The following API5 variants were observed in gnomAD, a reference collection of about 807,000 sequenced individuals.
API5 encodes FIF.
API5 carries 6 observed loss-of-function variants against 71.9 expected under a neutral mutation model. The observed-to-expected ratio is 0.08, with a 90% CI of 0.05 to 0.16. The LOEUF (loss-of-function observed/expected upper bound fraction) is 0.16. Ranked by LOEUF, API5 falls within the 10% of genes least tolerant of loss-of-function variation. The probability of loss-of-function intolerance (pLI) is 1.00; values close to 1 mark genes in which losing one functional copy is unlikely to be tolerated. For synonymous variants in API5, 189 were observed against 221.3 expected, an observed-to-expected ratio of 0.85 and a Z score of 1.30; for missense variants, 332 against 612.8, an observed-to-expected ratio of 0.54 and a Z score of 4.84.
chr11:43,329,895 A>G (rs5743247), intron 9 of API5, 70 bp from the exon 10 acceptor site: 2 of 1,231,050 alleles, frequency 1.6e-6, no homozygotes, highest in African/African-American at 3.0e-5. Context: ...ATTTTGCTGT[A>G]GTATAAGATT....
intron 1 of API5, among the ~76,000 whole-genome samples, chr11:43,315,313 T>G (rs1009717433): frequency 1.3e-5 from 2 of 152,234 alleles, no homozygotes; most frequent in African/African-American, 4.8e-5. Flanking sequence ...TTACTAATAA[T>G]GCTTCAGACT....
At chr11:43,313,803 A>G (rs1854576012) in intron 1 of API5, among the ~76,000 whole-genome samples, 1 of 152,018 alleles carries the variant, frequency 6.6e-6, no homozygotes, top group Non-Finnish European at 1.5e-5. Context: ...AAGAAGGTAA[A>G]AACTGCCAGG....
chr11:43,342,370 C>T, intron 13 of API5, 58 bp from the exon 14 acceptor site: 6 of 1,434,176 alleles, frequency 4.2e-6, no homozygotes, highest in Admixed American at 4.3e-5. Context: ...GTTTCTTCTG[C>T]GTTTGCTGCA....
chr11:43,329,023 A>C (rs1855163728), intron 9 of API5, 130 bp downstream of exon 9: 1 of 882,780 alleles, frequency 1.1e-6, no homozygotes, highest in Non-Finnish European at 1.7e-6. Context: ...TGGAGGGTTC[A>C]GAAAATGGGC....
At chr11:43,321,350 C>T in intron 3 of API5, 61 bp from the exon 4 acceptor site, 1 of 1,375,922 alleles carries the variant, frequency 7.3e-7, no homozygotes, top group Admixed American at 1.8e-5. Flanking sequence ...AAGTTTGAAA[C>T]TGAAGCAGAT....
At chr11:43,319,548 T>C (rs1190382646) in intron 2 of API5, among the ~76,000 whole-genome samples, 1 of 152,128 alleles carries the variant, frequency 6.6e-6, no homozygotes, top group East Asian at 1.9e-4. Flanking sequence ...TTTTCCACTT[T>C]AGCCTCCCAA....
intron 7 of API5, among the ~76,000 whole-genome samples, chr11:43,327,049 ATC>A (rs1431306651): frequency 6.6e-6 from 1 of 152,188 alleles, no homozygotes; most frequent in Non-Finnish European, 1.5e-5. Flanking sequence ...TTTGTTTATA[ATC>A]TCTCCCTACA....
intron 6 of API5, among the ~76,000 whole-genome samples, chr11:43,325,956 A>T (rs1855056612): frequency 6.6e-6 from 1 of 152,142 alleles, no homozygotes; most frequent in African/African-American, 2.4e-5. Context: ...ACGCCTAGGA[A>T]AGCATCACCA....
intron 12 of API5, among the ~76,000 whole-genome samples, 179 bp from the exon 13 acceptor site, chr11:43,335,679 A>T (rs1855409733): frequency 6.6e-6 from 1 of 152,206 alleles, no homozygotes; most frequent in Non-Finnish European, 1.5e-5. Flanking sequence ...ATGCCTTCTG[A>T]CATTGTCTGC....
chr11:43,344,307 T>G lies in API5; in HGVS notation c.*1797T>G, dbSNP rs1390213023. The G allele has an allele frequency of 6.6e-6, 1 of 152,282 alleles. No homozygotes were observed. Among genetic ancestry groups the G allele is most frequent in the African/African-American group, 2.4e-5 (1 of 41,108 alleles). 9.4% of individuals were successfully genotyped at this position (152,282 alleles called of 1,614,324 possible). On this transcript the variant is annotated 3_prime_UTR_variant, in exon 14 of 14. Transcript: ENST00000531273. ...ACTCAGAACTGAGCAGAAGTGACTT[T>G]ACTTTCTCAAGTTTGATACTGAGTT...
chr11:43,342,508 T>C lies in API5; in HGVS notation c.1573T>C (p.Ter525ArgextTer11). Reference sequence around the variant, plus strand: ...AAATCGTAGTCGGGGAAGACTCTACTGAATAAGACATCAGCATTCTTCAGC... The same window carrying C: ...AAATCGTAGTCGGGGAAGACTCTACCGAATAAGACATCAGCATTCTTCAGC... ...RGNRSRGRLY[*>R] Residue 525 changes from the stop codon to arginine (R), a stop_lost, in exon 14 of 14, where the codon TGA (stop) becomes CGA (arginine). Transcript: ENST00000531273. The C allele has an allele frequency of 6.2e-7, 1 of 1,613,740 alleles. No homozygotes were observed. Among genetic ancestry groups the C allele is most frequent in the Non-Finnish European group, 8.5e-7 (1 of 1,179,726 alleles).
intron 1 of API5, among the ~76,000 whole-genome samples, chr11:43,316,895 A>G (rs1156456073): frequency 6.6e-6 from 1 of 152,232 alleles, no homozygotes; most frequent in African/African-American, 2.4e-5. Flanking sequence ...CTGAAGACTC[A>G]TATATCTGCA....
chr11:43,339,952 TAAGAG>T (rs551855449), intron 13 of API5, among the ~76,000 whole-genome samples: 341 of 152,208 alleles, frequency 2.2e-3, no homozygotes, highest in African/African-American at 8.0e-3. Context: ...AGCAGGTAGA[TAAGAG>T]AAAGAAATAA....
chr11:43,333,549 CAGAT>C (rs764347943), intron 11 of API5, among the ~76,000 whole-genome samples: 2 of 151,970 alleles, frequency 1.3e-5, no homozygotes, highest in Non-Finnish European at 1.5e-5. Context: ...TACATTAATA[CAGAT>C]AGATTACATT....
At chr11:43,327,649 A>G (rs1381976226) in intron 7 of API5, 140 bp from the exon 8 acceptor site, 10 of 596,838 alleles carry the variant, frequency 1.7e-5, no homozygotes, top group Non-Finnish European at 2.2e-5. Flanking sequence ...ATCTATCTCT[A>G]AGGTTTTCTT....
At chr11:43,326,461 C>T (rs749842306) in intron 6 of API5, 46 bp from the exon 7 acceptor site, 11 of 1,183,232 alleles carry the variant, frequency 9.3e-6, no homozygotes, top group South Asian at 2.5e-5. Flanking sequence ...AATATTTGAG[C>T]GAATATTTGT....
chr11:43,318,440 C>T, intron 1 of API5, 200 bp from the exon 2 acceptor site: 3 of 1,534,486 alleles, frequency 2.0e-6, no homozygotes, highest in Non-Finnish European at 2.6e-6. Flanking sequence ...TCTCCCCCAA[C>T]TCAAAAATGA....
Position 43,320,927 on chromosome 11 carries a change from A to T in API5, c.325+13A>T. 6.3e-7 allele frequency: 1 copy of T among 1,579,590 alleles called. No individual in the cohort carries two copies. The highest frequency in any genetic ancestry group is 8.7e-7 in the Non-Finnish European group (1 of 1,152,456). On this transcript the variant is annotated intron_variant, in intron 3 of 13. Coordinates refer to ENST00000531273, the MANE Select transcript of API5 (RefSeq NM_001142930.2). The stretch of plus-strand genomic sequence containing the variant: ...CTTTTGCAGACAGGTAAGGGATTTT[A>T]TTATTACCTTTTTCTCTAAATATAT...
chr11:43,315,449 C>T (rs1218440981), intron 1 of API5, among the ~76,000 whole-genome samples: 2 of 152,008 alleles, frequency 1.3e-5, no homozygotes, highest in Non-Finnish European at 2.9e-5. Flanking sequence ...CTTCAGTAAG[C>T]ATTTCTTTTT....
Sources: gnomAD v4.1 joint callset for allele counts (sites outside exome capture counted in the v4.1 genomes callset) on GRCh38, gnomAD v4.1.1 for gene constraint, MANE v1.5 for transcripts, NCBI Gene and HGNC (gene_info 2026-07-23, HGNC 2026-07-21) for gene names.